Variants in TNNI3K observed in about 807,000 individuals in gnomAD.
The protein encoded by TNNI3K is serine/threonine-protein kinase TNNI3K.
Under a neutral mutation model 114.5 loss-of-function variants are expected in TNNI3K, and 140 were observed. The ratio of observed to expected loss-of-function variants is 1.22; its 90% CI spans 1.07 to 1.41. The LOEUF is 1.41. Ranked by LOEUF, TNNI3K falls within the 40% of genes most tolerant of loss-of-function variation. The pLI is 0.00. For synonymous variants in TNNI3K, 347 were observed against 347.5 expected (o/e 1.00, Z 0.02); for missense variants, 1,125 against 1,007.6 (o/e 1.12, Z -1.58).
intron 17 of TNNI3K, among the ~76,000 whole-genome samples, chr1:74,430,442 T>G (rs1376099574): frequency 6.6e-6 from 1 of 152,032 alleles, no homozygotes; most frequent in Non-Finnish European, 1.5e-5. Context: ...AAACATAAGA[T>G]TTAAACACAA....
chr1:74,342,037 C>A (rs1235070744), intron 7 of TNNI3K: 2 of 152,114 alleles, frequency 1.3e-5, no homozygotes, highest in African/African-American at 4.8e-5. Flanking sequence ...GGATAACAAG[C>A]CTAAACCAGG....
At chr1:74,316,236 G>GT (rs1659295411) in intron 5 of TNNI3K, among the ~76,000 whole-genome samples, 1 of 152,156 alleles carries the variant, frequency 6.6e-6, no homozygotes, top group Admixed American at 6.5e-5. Context: ...GATAAAAGCT[G>GT]TGAGAAAGAT....
intron 17 of TNNI3K, among the ~76,000 whole-genome samples, chr1:74,392,822 T>G (rs951898615): frequency 2.0e-5 from 3 of 152,216 alleles, no homozygotes; most frequent in Admixed American, 2.0e-4. Context: ...ATTAATGAGA[T>G]GTTTAATTTG....
chr1:74,440,003 T>C (rs1346674390), intron 20 of TNNI3K, among the ~76,000 whole-genome samples: 1 of 152,006 alleles, frequency 6.6e-6, no homozygotes, highest in Non-Finnish European at 1.5e-5. Context: ...GATAAGAAAG[T>C]AGTAACACAG....
intron 20 of TNNI3K, among the ~76,000 whole-genome samples, chr1:74,442,353 CTTACTATA>C (rs1666413063): frequency 6.6e-6 from 1 of 152,038 alleles, no homozygotes; most frequent in Non-Finnish European, 1.5e-5. Flanking sequence ...ACCACACTAT[CTTACTATA>C]TTATAGTGAG....
Position 74,307,820 on chromosome 1 carries a change from G to T in TNNI3K, c.445-23630G>T, listed in dbSNP as rs1658738851. Among the ~76,000 whole-genome samples, 5 of 151,980 alleles carry T rather than the reference G, an allele frequency of 3.3e-5. No individual in the cohort carries two copies. In the South Asian group the frequency reaches 8.3e-4, roughly 25 times the overall value. On this transcript the variant is annotated intron_variant, in intron 5 of 24. Coordinates refer to ENST00000326637, the MANE Select transcript of TNNI3K (RefSeq NM_015978.3). Reference sequence around the variant, plus strand: ...TCTACTAAAAATTCAAAAATTAGCTGGCCTTGGTAGCACATGCCTGTAATC... The same window carrying T: ...TCTACTAAAAATTCAAAAATTAGCTTGCCTTGGTAGCACATGCCTGTAATC...
chr1:74,283,443 A>G lies in TNNI3K; in HGVS notation c.444+11735A>G, dbSNP rs12561894. On this transcript the variant is annotated intron_variant, in intron 5 of 24. Coordinates refer to ENST00000326637, the MANE Select transcript of TNNI3K (RefSeq NM_015978.3). ...AATATAAAAGGACGCTAGCTTGTCA[A>G]TTTCTTTTTGTCACTCAGGTCTTTG... 2.8e-3 allele frequency among the ~76,000 whole-genome samples: 425 copies of G among 152,276 alleles called. 1 individual carries two copies. The highest frequency in any genetic ancestry group is 9.1e-3 in the African/African-American group (379 of 41,556).
chr1:74,489,629 G>A (rs45525942), intron 22 of TNNI3K, among the ~76,000 whole-genome samples: 135 of 152,172 alleles, frequency 8.9e-4, no homozygotes, highest in African/African-American at 2.7e-3. Context: ...CATTCAATGC[G>A]AAAAGAAAAA....
intron 17 of TNNI3K, among the ~76,000 whole-genome samples, chr1:74,410,903 A>C (rs1373331467): frequency 6.6e-6 from 1 of 152,164 alleles, no homozygotes; most frequent in Non-Finnish European, 1.5e-5. Flanking sequence ...TTCAGTGTTC[A>C]CTTGTGTCCT....
intron 23 of TNNI3K, among the ~76,000 whole-genome samples, chr1:74,527,233 G>T (rs1646515755): frequency 6.6e-6 from 1 of 152,202 alleles, no homozygotes; most frequent in Non-Finnish European, 1.5e-5. Context: ...TCCTTGAGCA[G>T]TGGCTAAAGA....
At chr1:74,382,192 C>T (rs1663237698) in intron 17 of TNNI3K, among the ~76,000 whole-genome samples, 1 of 152,270 alleles carries the variant, frequency 6.6e-6, no homozygotes, top group African/African-American at 2.4e-5. Flanking sequence ...AGAGACAATT[C>T]TCAATCGTTT....
chr1:74,413,378 A>G (rs1371288421), intron 17 of TNNI3K, among the ~76,000 whole-genome samples: 2 of 152,222 alleles, frequency 1.3e-5, no homozygotes, highest in Non-Finnish European at 2.9e-5. Context: ...TTTACAAAGA[A>G]CATTTCACAC....
At position 74,441,487 on chromosome 1, in the gene TNNI3K, T is replaced by A. The variant is rs111283617; in HGVS notation, c.2011+1865T>A. The stretch of plus-strand genomic sequence containing the variant: ...ATTAAGAATAAATCTGCTCAAATAA[T>A]TGAGGCTTTTGTGTGGTTGTTTTTG... On this transcript the variant is annotated intron_variant, in intron 20 of 24. Transcript: ENST00000326637. Among the ~76,000 whole-genome samples, 1,311 of 152,266 alleles carry A rather than the reference T, an allele frequency of 8.6e-3. 22 individuals carry two copies. Among genetic ancestry groups the A allele is most frequent in the African/African-American group, 0.03 (1,233 of 41,568 alleles).
chr1:74,345,239 GT>G (rs1213332581), intron 9 of TNNI3K, among the ~76,000 whole-genome samples: 3 of 151,992 alleles, frequency 2.0e-5, no homozygotes, highest in African/African-American at 4.8e-5. Flanking sequence ...TGAGATGGTA[GT>G]TTTTTTATTC....
intron 17 of TNNI3K, among the ~76,000 whole-genome samples, chr1:74,429,991 C>T (rs1665816520): frequency 6.6e-6 from 1 of 152,068 alleles, no homozygotes; most frequent in Non-Finnish European, 1.5e-5. Flanking sequence ...GGTGCCCTTA[C>T]ACTAGTTTTT....
chr1:74,331,506 T>C lies in TNNI3K; in HGVS notation c.501T>C (p.Phe167=). ...ATGTCAATATTCAAGATGCAGTTTT[T>C]TTCACTCCATTGCATATTGCAGCGT... ...GANVNIQDAV[F]FTPLHIAAYY... Residue 167 remains phenylalanine, a synonymous_variant, in exon 6 of 25, where the codon TTT becomes TTC. Coordinates refer to ENST00000326637, the MANE Select transcript of TNNI3K (RefSeq NM_015978.3). The C allele has an allele frequency of 1.2e-6, 2 of 1,613,836 alleles. No individual in the cohort carries two copies. Among genetic ancestry groups the C allele is most frequent in the South Asian group, 1.1e-5 (1 of 91,006 alleles).
intron 24 of TNNI3K, among the ~76,000 whole-genome samples, chr1:74,542,869 T>G (rs1468652970): frequency 6.6e-6 from 1 of 152,168 alleles, no homozygotes; most frequent in Non-Finnish European, 1.5e-5. Context: ...GACAGTGGCC[T>G]GATCCTGAGC....
intron 19 of TNNI3K, 57 bp downstream of exon 19, chr1:74,436,583 G>T: frequency 2.6e-6 from 4 of 1,538,600 alleles, no homozygotes; most frequent in Non-Finnish European, 8.7e-7. Context: ...TGTAAACTCA[G>T]CATGAGAGGA....
At chr1:74,344,824 T>TA (rs1428176509) in intron 9 of TNNI3K, among the ~76,000 whole-genome samples, 1 of 152,146 alleles carries the variant, frequency 6.6e-6, no homozygotes, top group African/African-American at 2.4e-5. Flanking sequence ...AGTAACAGAT[T>TA]AATGTTTTTG....
Sources: allele counts gnomAD v4.1 joint callset (sites outside exome capture counted in the v4.1 genomes callset), GRCh38; gene constraint gnomAD v4.1.1; transcripts MANE v1.5; gene names NCBI Gene and HGNC (gene_info 2026-07-23, HGNC 2026-07-21).